The following GABRB2 variants were observed in gnomAD, a reference collection of about 807,000 sequenced individuals.
The protein encoded by GABRB2 is gamma-aminobutyric acid receptor subunit beta-2.
GABRB2 carries 16 observed loss-of-function variants against 54.7 expected under a neutral mutation model. The observed-to-expected ratio is 0.29, with a 90% CI of 0.20 to 0.44. GABRB2 has a LOEUF of 0.44. GABRB2 is among the 20% of genes least tolerant of loss of function. The probability of loss-of-function intolerance (pLI) is 1.00; values close to 1 mark genes in which losing one functional copy is unlikely to be tolerated. For synonymous variants in GABRB2, 244 were observed against 233.8 expected, an observed-to-expected ratio of 1.04 and a Z score of -0.40; for missense variants, 355 against 644.0, an observed-to-expected ratio of 0.55 and a Z score of 4.86.
At chr5:161,524,004 A>T (rs1244225985) in intron 3 of GABRB2, among the ~76,000 whole-genome samples, 2 of 151,378 alleles carry the variant, frequency 1.3e-5, no homozygotes, top group East Asian at 3.9e-4. Flanking sequence ...CAATTTCAGT[A>T]GTTTCTTATC....
chr5:161,366,005 C>G (rs1222384542), intron 5 of GABRB2, among the ~76,000 whole-genome samples: 1 of 150,872 alleles, frequency 6.6e-6, no homozygotes, highest in African/African-American at 2.4e-5. Flanking sequence ...CTGGCAGATA[C>G]TATTTACTTC....
At chr5:161,459,415 A>T (rs1266060959) in intron 4 of GABRB2, 1 of 584,876 alleles carries the variant, frequency 1.7e-6, no homozygotes, top group Admixed American at 3.0e-5. Context: ...ATATTGGAAG[A>T]TAATTCAGAA....
intron 9 of GABRB2, among the ~76,000 whole-genome samples, chr5:161,314,331 T>G (rs930901229): frequency 1.3e-5 from 2 of 152,172 alleles, no homozygotes; most frequent in South Asian, 4.1e-4. Flanking sequence ...CCGGTCCAAC[T>G]TCCAGAAATT....
intron 3 of GABRB2, among the ~76,000 whole-genome samples, chr5:161,501,042 T>G (rs1188407898): frequency 6.8e-6 from 1 of 148,080 alleles, no homozygotes; most frequent in Non-Finnish European, 1.5e-5. Context: ...TGTCCATGTG[T>G]ATTTTTAAAT....
Position 161,393,299 on chromosome 5 carries a change from T to TAAAAAAAAAAAAAA in GABRB2, c.541+17662_541+17675dup, listed in dbSNP as rs533308700. Among the ~76,000 whole-genome samples, 2 of 40,248 alleles carry TAAAAAAAAAAAAAA rather than the reference T, an allele frequency of 5.0e-5. 1 individual carries two copies. Among genetic ancestry groups the TAAAAAAAAAAAAAA allele is most frequent in the Non-Finnish European group, 9.2e-5 (2 of 21,632 alleles). The allele number at this position is 40,248 out of a possible 152,430, so 26.4% of individuals were successfully genotyped here. On this transcript the variant is annotated intron_variant, in intron 5 of 9. Coordinates refer to ENST00000393959, the MANE Select transcript of GABRB2 (RefSeq NM_001371727.1). Reference sequence around the variant, plus strand: ...TCCCTTTTATAACTCTTTAAAAATGTAAAAAAAAAAAAAAAAAAAAAAAAA... The same window carrying TAAAAAAAAAAAAAA: ...TCCCTTTTATAACTCTTTAAAAATGTAAAAAAAAAAAAAAAAAAAAAAAAAAAAAAAAAAAAAAA...
intron 9 of GABRB2, among the ~76,000 whole-genome samples, chr5:161,304,359 T>C (rs906854654): frequency 3.9e-5 from 6 of 152,244 alleles, no homozygotes; most frequent in African/African-American, 1.4e-4. Flanking sequence ...CTTTAAAACA[T>C]GTATGGCATA....
intron 4 of GABRB2, among the ~76,000 whole-genome samples, chr5:161,423,232 T>C (rs542048174): frequency 1.1e-4 from 16 of 152,300 alleles, no homozygotes; most frequent in Non-Finnish European, 1.9e-4. Flanking sequence ...ATCATTTACA[T>C]TGTTATTTCT....
At chr5:161,376,999 C>T (rs1360323619) in intron 5 of GABRB2, among the ~76,000 whole-genome samples, 1 of 151,850 alleles carries the variant, frequency 6.6e-6, no homozygotes, top group Non-Finnish European at 1.5e-5. Flanking sequence ...GAACCTAGGG[C>T]AGCTAGGACA....
chr5:161,369,802 C>A lies in GABRB2; in HGVS notation c.542-33033G>T, dbSNP rs1326635298. On this transcript the variant is annotated intron_variant, in intron 5 of 9. Coordinates refer to ENST00000393959, the MANE Select transcript of GABRB2 (RefSeq NM_001371727.1). The stretch of plus-strand genomic sequence containing the variant: ...AATACTCTTTAGTGTATTTGCCTGA[C>A]CTCTTATCTGTCTTTCTTCAGTGTT... 3.9e-5 allele frequency among the ~76,000 whole-genome samples: 6 copies of A among 152,206 alleles called. No individual in the cohort carries two copies. In the East Asian group the frequency reaches 1.2e-3, roughly 29 times the overall value.
At position 161,442,979 on chromosome 5, in the gene GABRB2, A is replaced by C. The variant is rs138445601; in HGVS notation, c.458+16645T>G. On this transcript the variant is annotated intron_variant, in intron 4 of 9. Coordinates refer to ENST00000393959, the MANE Select transcript of GABRB2 (RefSeq NM_001371727.1). Reference sequence around the variant, plus strand: ...ATGTCATGGCTCATATGAGGAATACATTCACGTTCAGTACCTGGTTTGAAG... The same window carrying C: ...ATGTCATGGCTCATATGAGGAATACCTTCACGTTCAGTACCTGGTTTGAAG... Among the ~76,000 whole-genome samples, 164 of 152,264 alleles carry C rather than the reference A, an allele frequency of 1.1e-3. 1 individual carries two copies. The highest frequency in any genetic ancestry group is 1.8e-3 in the Non-Finnish European group (121 of 68,012).
At chr5:161,455,266 T>C (rs1438011676) in intron 4 of GABRB2, among the ~76,000 whole-genome samples, 1 of 152,106 alleles carries the variant, frequency 6.6e-6, no homozygotes, top group Non-Finnish European at 1.5e-5. Context: ...GCTGACGAGC[T>C]TTGAGCACCC....
intron 8 of GABRB2, among the ~76,000 whole-genome samples, chr5:161,329,038 G>A (rs1382116611): frequency 2.0e-5 from 3 of 151,922 alleles, no homozygotes; most frequent in East Asian, 1.9e-4. Context: ...CTCTATTTCC[G>A]TTTTAGAACT....
At chr5:161,399,162 A>G (rs949059227) in intron 5 of GABRB2, among the ~76,000 whole-genome samples, 1 of 152,198 alleles carries the variant, frequency 6.6e-6, no homozygotes, top group Non-Finnish European at 1.5e-5. Context: ...GCATTTGATG[A>G]AGTTATCATG....
intron 5 of GABRB2, among the ~76,000 whole-genome samples, chr5:161,403,455 A>G (rs1436078641): frequency 6.6e-6 from 1 of 152,102 alleles, no homozygotes; most frequent in Admixed American, 6.6e-5. Context: ...AAATGCATAT[A>G]GGTTTTAAAA....
At chr5:161,465,845 C>A (rs1758262415) in intron 3 of GABRB2, among the ~76,000 whole-genome samples, 1 of 152,014 alleles carries the variant, frequency 6.6e-6, no homozygotes, top group Admixed American at 6.6e-5. Flanking sequence ...ATAGTTTTTA[C>A]ATTGCTTTCT....
At position 161,491,703 on chromosome 5, in the gene GABRB2, G is replaced by A. The variant is rs372632488; in HGVS notation, c.238-31859C>T. On this transcript the variant is annotated intron_variant, in intron 3 of 9. Transcript: ENST00000393959. Reference sequence around the variant, plus strand: ...TTCCAGCTCTTAATTATAAAGGTAAGAGAGGTACGCCTAGAAAATTCTCAG... The same window carrying A: ...TTCCAGCTCTTAATTATAAAGGTAAAAGAGGTACGCCTAGAAAATTCTCAG... Among the ~76,000 whole-genome samples the A allele has an allele frequency of 1.6e-3, 248 of 151,726 alleles. 4 individuals carry two copies. The highest frequency in any genetic ancestry group is 5.7e-3 in the African/African-American group (238 of 41,508).
chr5:161,537,954 C>G (rs764674336), intron 3 of GABRB2, among the ~76,000 whole-genome samples: 1 of 151,866 alleles, frequency 6.6e-6, no homozygotes, highest in Non-Finnish European at 1.5e-5. Context: ...CTGCTTGGAA[C>G]ATCTATCCAC....
At chr5:161,533,149 C>T (rs1760517140) in intron 3 of GABRB2, among the ~76,000 whole-genome samples, 1 of 151,990 alleles carries the variant, frequency 6.6e-6, no homozygotes, top group South Asian at 2.1e-4. Flanking sequence ...TGAAACTTGG[C>T]AATAGGAATG....
chr5:161,533,849 C>A (rs559155251), intron 3 of GABRB2, among the ~76,000 whole-genome samples: 1 of 151,932 alleles, frequency 6.6e-6, no homozygotes, highest in African/African-American at 2.4e-5. Context: ...CTGTTAATTG[C>A]AAATGTAGAC....
Sources: allele counts gnomAD v4.1 joint callset (sites outside exome capture counted in the v4.1 genomes callset), GRCh38; gene constraint gnomAD v4.1.1; transcripts MANE v1.5; gene names NCBI Gene and HGNC (gene_info 2026-07-23, HGNC 2026-07-21).